NOL4: variants seen among roughly 807,000 people sequenced by gnomAD.
NOL4 encodes the protein nucleolar protein 4, also known as cancer/testis antigen 125.
In NOL4, 17 loss-of-function variants were observed where a neutral mutation model predicts 75.9. The ratio of observed to expected loss-of-function variants is 0.22; its 90% CI spans 0.15 to 0.34. NOL4 has a LOEUF of 0.34. Among genes scored for constraint, NOL4 ranks in the 10% least tolerant of loss-of-function variants. The probability of loss-of-function intolerance (pLI) is 1.00; values close to 1 mark genes in which losing one functional copy is unlikely to be tolerated. For synonymous variants in NOL4, 292 were observed against 289.9 expected (o/e 1.01, Z -0.07); for missense variants, 614 against 793.5 (o/e 0.77, Z 2.72).
chr18:34,041,379 G>C (rs531078714), intron 5 of NOL4, among the ~76,000 whole-genome samples: 3 of 152,020 alleles, frequency 2.0e-5, no homozygotes, highest in African/African-American at 7.2e-5. Context: ...TGTGAAGAAT[G>C]GCAAACAGAG....
At chr18:33,947,515 C>T (rs1161243800) in intron 8 of NOL4, among the ~76,000 whole-genome samples, 1 of 151,760 alleles carries the variant, frequency 6.6e-6, no homozygotes, top group Non-Finnish European at 1.5e-5. Context: ...GAAAATAACA[C>T]CTCCTGTGGC....
chr18:34,083,352 G>T (rs961782065), intron 5 of NOL4, among the ~76,000 whole-genome samples: 2 of 152,170 alleles, frequency 1.3e-5, no homozygotes, highest in Non-Finnish European at 2.9e-5. Context: ...GAAACTAGAA[G>T]AGTGGAAAGT....
chr18:33,973,500 C>A (rs2071239257), intron 6 of NOL4, among the ~76,000 whole-genome samples: 2 of 152,258 alleles, frequency 1.3e-5, no homozygotes, highest in South Asian at 4.1e-4. Flanking sequence ...ATACTGTATT[C>A]TTTCCGGAAG....
intron 5 of NOL4, among the ~76,000 whole-genome samples, chr18:34,064,068 G>A (rs558943143): frequency 6.6e-6 from 1 of 152,008 alleles, no homozygotes; most frequent in Non-Finnish European, 1.5e-5. Flanking sequence ...AGACTACAAA[G>A]ACCATCATAT....
At chr18:34,080,599 G>A (rs974016407) in intron 5 of NOL4, among the ~76,000 whole-genome samples, 6 of 152,106 alleles carry the variant, frequency 3.9e-5, no homozygotes, top group Non-Finnish European at 5.9e-5. Flanking sequence ...TGAAGGCTGG[G>A]CCACTGCTAC....
At chr18:34,050,371 C>A (rs1159149016) in intron 5 of NOL4, among the ~76,000 whole-genome samples, 1 of 152,048 alleles carries the variant, frequency 6.6e-6, no homozygotes, top group Admixed American at 6.6e-5. Flanking sequence ...CAAAATCAAT[C>A]AACCAGAATT....
intron 1 of NOL4, among the ~76,000 whole-genome samples, chr18:34,136,562 A>G (rs968898088): frequency 2.6e-5 from 4 of 152,096 alleles, no homozygotes; most frequent in Admixed American, 6.6e-5. Flanking sequence ...ATGAAGGGGG[A>G]AAAATAATTT....
At chr18:34,064,395 T>A (rs7234913) in intron 5 of NOL4, among the ~76,000 whole-genome samples, 58,171 of 151,788 alleles carry the variant, frequency 0.38, 11,652 homozygotes, top group South Asian at 0.53. Context: ...AGAGCACATG[T>A]CCTTTTCCTC....
chr18:34,196,145 T>C (rs951760055), intron 1 of NOL4, among the ~76,000 whole-genome samples: 5 of 152,172 alleles, frequency 3.3e-5, no homozygotes, highest in African/African-American at 7.2e-5. Flanking sequence ...GGAATGTCTA[T>C]GCTGAAAACA....
At chr18:33,944,004 T>C (rs899708915) in intron 8 of NOL4, among the ~76,000 whole-genome samples, 3 of 150,866 alleles carry the variant, frequency 2.0e-5, no homozygotes, top group African/African-American at 7.3e-5. Flanking sequence ...GTCATCCAAC[T>C]GAAAGATGAA....
chr18:34,119,189 T>C (rs2080001980), intron 2 of NOL4, among the ~76,000 whole-genome samples: 1 of 152,210 alleles, frequency 6.6e-6, no homozygotes, highest in Non-Finnish European at 1.5e-5. Context: ...TTGTAATCAC[T>C]GTATCTCTCA....
chr18:33,881,998 C>A (rs1443283022), intron 10 of NOL4, among the ~76,000 whole-genome samples: 1 of 152,120 alleles, frequency 6.6e-6, no homozygotes, highest in African/African-American at 2.4e-5. Context: ...AACTGGCTAG[C>A]CATATGTAGA....
intron 2 of NOL4, among the ~76,000 whole-genome samples, chr18:34,117,264 T>C (rs932591050): frequency 6.6e-6 from 1 of 152,194 alleles, no homozygotes; most frequent in Non-Finnish European, 1.5e-5. Context: ...AGAGGTTGTG[T>C]ATTTTGCCAA....
At chr18:33,913,217 T>C (rs1411281752) in intron 9 of NOL4, among the ~76,000 whole-genome samples, 1 of 152,172 alleles carries the variant, frequency 6.6e-6, no homozygotes, top group Non-Finnish European at 1.5e-5. Context: ...ACATTGCATG[T>C]TGTTTAGTCT....
chr18:34,206,866 T>C (rs1205350071), intron 1 of NOL4, among the ~76,000 whole-genome samples: 1 of 152,076 alleles, frequency 6.6e-6, no homozygotes, highest in Non-Finnish European at 1.5e-5. Flanking sequence ...GATCTTTTGA[T>C]ACTGCACTAC....
Position 34,129,661 on chromosome 18 carries a change from T to C in NOL4, c.414+210A>G, listed in dbSNP as rs114441410. Among the ~76,000 whole-genome samples, 1,146 of 151,886 alleles carry C rather than the reference T, an allele frequency of 7.5e-3. 13 individuals are homozygous for C. Among genetic ancestry groups the C allele is most frequent in the African/African-American group, 0.025 (1,054 of 41,488 alleles). ...TATTATACATTTTTAAAGGCAACAA[T>C]ATGAAAATTCTAGAGACAGTTTTAA... On this transcript the variant is annotated intron_variant, in intron 2 of 10. Coordinates refer to ENST00000261592, the MANE Select transcript of NOL4 (RefSeq NM_003787.5).
chr18:34,157,226 A>G (rs1415444699), intron 1 of NOL4: 1 of 152,224 alleles, frequency 6.6e-6, no homozygotes, highest in East Asian at 1.9e-4. Flanking sequence ...TCATAAATAC[A>G]TTAATCTTTC....
In NOL4 at chr18:34,173,373, G is replaced by A. The variant is rs145451369; in HGVS notation, c.265-43353C>T. 3.0e-4 allele frequency among the ~76,000 whole-genome samples: 46 copies of A among 152,038 alleles called. No homozygotes were observed. The East Asian group carries it at 8.5e-3, about 28-fold the overall frequency. On this transcript the variant is annotated intron_variant, in intron 1 of 10. Transcript: ENST00000261592. ...GTATTATTTGATATTTGATGAGAGGGCAGGTTTTAAATGTCCCTACCATAT... is the reference window on the plus strand; with the variant it reads ...GTATTATTTGATATTTGATGAGAGGACAGGTTTTAAATGTCCCTACCATAT...
chr18:34,194,613 T>A (rs1011862729), intron 1 of NOL4, among the ~76,000 whole-genome samples: 1 of 152,206 alleles, frequency 6.6e-6, no homozygotes, highest in African/African-American at 2.4e-5. Context: ...AATTTAAATA[T>A]GTTTACACAT....
Sources: allele counts gnomAD v4.1 joint callset (sites outside exome capture counted in the v4.1 genomes callset), GRCh38; gene constraint gnomAD v4.1.1; transcripts MANE v1.5; gene names NCBI Gene and HGNC (gene_info 2026-07-23, HGNC 2026-07-21).